Variants in DOCK1 observed in about 807,000 individuals in gnomAD.
The protein encoded by DOCK1 is dedicator of cytokinesis 1.
In DOCK1, 138 loss-of-function variants were observed where a neutral mutation model predicts 262.7. The ratio of observed to expected loss-of-function variants is 0.53; its 90% CI spans 0.46 to 0.61. The LOEUF is 0.61. Ranked by LOEUF, DOCK1 falls within the 20% of genes least tolerant of loss-of-function variation. DOCK1 has a pLI of 0.00. For synonymous variants in DOCK1, 866 were observed against 867.4 expected (o/e 1.00, Z 0.03); for missense variants, 1,908 against 2,370.7 (o/e 0.80, Z 4.05).
rs142775875 is a variant in DOCK1 at position 127,053,684 on chromosome 10, A to G, written c.2336+869A>G. Among the ~76,000 whole-genome samples, 143 of 152,374 alleles carry G rather than the reference A, an allele frequency of 9.4e-4. 1 individual carries two copies. In the East Asian group the frequency reaches 0.025, roughly 26 times the overall value. ...TTATATATATGTATATTTTGCCTCAATAAAATACATAAATTGGGATATTTA... is the reference window on the plus strand; with the variant it reads ...TTATATATATGTATATTTTGCCTCAGTAAAATACATAAATTGGGATATTTA... On this transcript the variant is annotated intron_variant, in intron 22 of 51. Coordinates refer to ENST00000623213, the MANE Select transcript of DOCK1 (RefSeq NM_001290223.2).
intron 1 of DOCK1, among the ~76,000 whole-genome samples, chr10:126,941,582 C>G (rs890325453): frequency 1.3e-5 from 2 of 152,122 alleles, no homozygotes; most frequent in African/African-American, 4.8e-5. Context: ...CGGTGAAACC[C>G]TGTCTCTACT....
chr10:127,261,478 C>G (rs1241021802), intron 29 of DOCK1, among the ~76,000 whole-genome samples: 35 of 116,820 alleles, frequency 3.0e-4, no homozygotes, highest in Non-Finnish European at 4.6e-4. Context: ...CCTGCATGTA[C>G]CCGTGCTCAT....
At chr10:127,044,595 C>T (rs1048729813) in intron 21 of DOCK1, among the ~76,000 whole-genome samples, 3 of 152,042 alleles carry the variant, frequency 2.0e-5, no homozygotes, top group African/African-American at 7.2e-5. Context: ...CTGCAGCAAA[C>T]GTAGCACGGC....
Position 127,061,686 on chromosome 10 carries a change from A to C in DOCK1, c.2355A>C (p.Gly785=). 1 of 1,599,732 alleles carries C rather than the reference A, an allele frequency of 6.3e-7. No individual in the cohort carries two copies. Among genetic ancestry groups the C allele is most frequent in the Non-Finnish European group, 8.5e-7 (1 of 1,173,076 alleles). Residue 785 remains glycine (G), a synonymous_variant, in exon 23 of 52, where the codon GGA becomes GGC. Coordinates refer to ENST00000623213, the MANE Select transcript of DOCK1 (RefSeq NM_001290223.2). ...ILFNQLYENK[G]EADFVESLLQ... ...TTTGCAGACTGTATGAAAACAAGGG[A>C]GAGGCTGACTTCGTGGAATCTTTGC...
intron 29 of DOCK1, among the ~76,000 whole-genome samples, chr10:127,295,074 A>G (rs536032478): frequency 6.6e-6 from 1 of 152,198 alleles, no homozygotes; most frequent in Admixed American, 6.5e-5. Context: ...AGCCTGGGCA[A>G]CAAAGTGAAA....
intron 27 of DOCK1, among the ~76,000 whole-genome samples, chr10:127,239,899 T>C (rs1334544789): frequency 1.3e-5 from 2 of 152,134 alleles, no homozygotes; most frequent in Non-Finnish European, 2.9e-5. Flanking sequence ...AAACTATAAT[T>C]TTGTATGTAA....
intron 12 of DOCK1, among the ~76,000 whole-genome samples, chr10:127,016,272 G>T (rs1297033197): frequency 2.0e-5 from 3 of 152,140 alleles, no homozygotes; most frequent in Non-Finnish European, 4.4e-5. Context: ...TCACTAGATA[G>T]CAAGAGGAAA....
At chr10:126,949,145 C>T (rs1374003572) in intron 1 of DOCK1, among the ~76,000 whole-genome samples, 2 of 152,060 alleles carry the variant, frequency 1.3e-5, no homozygotes, top group Non-Finnish European at 2.9e-5. Flanking sequence ...GGGTTCCCCT[C>T]TGCACTTGTT....
intron 25 of DOCK1, among the ~76,000 whole-genome samples, chr10:127,119,177 G>A (rs1283919877): frequency 6.6e-6 from 1 of 151,996 alleles, no homozygotes; most frequent in Non-Finnish European, 1.5e-5. Context: ...CTGAGTAGCT[G>A]GGACTACAGG....
intron 1 of DOCK1, among the ~76,000 whole-genome samples, chr10:126,933,500 G>A (rs1213859361): frequency 6.6e-6 from 1 of 152,134 alleles, no homozygotes; most frequent in Non-Finnish European, 1.5e-5. Flanking sequence ...AGAGCTCCCT[G>A]TACTTCCTGG....
At chr10:127,140,608 A>G (rs1416644361) in intron 27 of DOCK1, among the ~76,000 whole-genome samples, 1 of 152,076 alleles carries the variant, frequency 6.6e-6, no homozygotes, top group East Asian at 1.9e-4. Flanking sequence ...GGGGAAGCAC[A>G]CCAAGTCTCT....
chr10:127,153,956 G>C (rs374234146), intron 27 of DOCK1: 6 of 1,518,820 alleles, frequency 4.0e-6, no homozygotes, highest in Non-Finnish European at 5.5e-6. Flanking sequence ...CATTACAAGC[G>C]GTGGCTGGGG....
rs1012926492 is a variant in DOCK1, at chr10:127,110,141, C to T, written c.2517-107C>T. On this transcript the variant is annotated intron_variant, in intron 24 of 51. Transcript: ENST00000623213. ...TGCATGAGAGGCTGTGTTGAACATA[C>T]TGGTGACATTAATGACCATGTGATG... 21 of 850,920 alleles carry T rather than the reference C, an allele frequency of 2.5e-5. No individual in the cohort carries two copies. In the African/African-American group the frequency reaches 3.2e-4, roughly 13 times the overall value. 52.7% of individuals were successfully genotyped at this position (850,920 alleles called of 1,614,324 possible).
chr10:126,968,844 C>T (rs1035682284), intron 1 of DOCK1, among the ~76,000 whole-genome samples: 4 of 152,118 alleles, frequency 2.6e-5, no homozygotes, highest in Non-Finnish European at 5.9e-5. Flanking sequence ...CTGTAAAATG[C>T]CAAATAAACT....
intron 24 of DOCK1, 77 bp from the exon 25 acceptor site, chr10:127,110,171 A>G (rs2048779124): frequency 3.3e-6 from 4 of 1,200,756 alleles, no homozygotes; most frequent in Admixed American, 3.9e-5. Flanking sequence ...GTGATGACCT[A>G]TATCTCAGTA....
chr10:127,283,114 G>C (rs2061021940), intron 29 of DOCK1, among the ~76,000 whole-genome samples: 1 of 152,268 alleles, frequency 6.6e-6, no homozygotes, highest in African/African-American at 2.4e-5. Context: ...TGCACCTCCT[G>C]CTTTGCTCTG....
intron 16 of DOCK1, among the ~76,000 whole-genome samples, chr10:127,027,348 A>C (rs2042938833): frequency 6.6e-6 from 1 of 152,184 alleles, no homozygotes; most frequent in Admixed American, 6.5e-5. Flanking sequence ...TAATCCCAGA[A>C]CTTTGGGAAG....
At chr10:127,004,982 A>G (rs2040904710) in intron 10 of DOCK1, among the ~76,000 whole-genome samples, 2 of 151,966 alleles carry the variant, frequency 1.3e-5, no homozygotes, top group African/African-American at 4.8e-5. Flanking sequence ...ATTTTTTTTA[A>G]TAGGACTTGC....
intron 1 of DOCK1, among the ~76,000 whole-genome samples, chr10:126,947,337 C>CTGT (rs2035520261): frequency 9.3e-5 from 12 of 128,526 alleles, no homozygotes; most frequent in Middle Eastern, 4.3e-3. Context: ...GGTAGTATTA[C>CTGT]TGTTGGTGAT....
Sources: gnomAD v4.1 joint callset for allele counts (sites outside exome capture counted in the v4.1 genomes callset) on GRCh38, gnomAD v4.1.1 for gene constraint, MANE v1.5 for transcripts, NCBI Gene and HGNC (gene_info 2026-07-23, HGNC 2026-07-21) for gene names.